The following CHST11 variants were observed in gnomAD, a reference collection of about 807,000 sequenced individuals.
CHST11 encodes C4S-1.
In CHST11, 9 loss-of-function variants were observed where a neutral mutation model predicts 30.4. That is an observed-to-expected ratio of 0.30 (90% CI 0.18 to 0.52). The LOEUF (loss-of-function observed/expected upper bound fraction) is 0.52, where lower values mean the gene tolerates loss of function less well. Ranked by LOEUF, CHST11 falls within the 20% of genes least tolerant of loss-of-function variation. The probability of loss-of-function intolerance (pLI) is 0.97; values close to 1 mark genes in which losing one functional copy is unlikely to be tolerated. For missense variants in CHST11, 348 were observed against 460.6 expected (o/e 0.76, Z 2.24); for synonymous variants, 152 against 187.8 (o/e 0.81, Z 1.56).
At chr12:104,592,193 C>T (rs752971798) in intron 1 of CHST11, among the ~76,000 whole-genome samples, 30 of 151,106 alleles carry the variant, frequency 2.0e-4, no homozygotes, top group Non-Finnish European at 4.0e-4. Context: ...TCCCGTCTCT[C>T]ATGCTCTCAG....
Position 104,721,645 on chromosome 12 carries a change from G to A in CHST11, c.205-35304G>A, listed in dbSNP as rs76238602. ...ACTACTGTCCTTCCTATTGTACAGC[G>A]TCCCTGGTATAAGGAGTTACGTGAA... On this transcript the variant is annotated intron_variant, in intron 2 of 2. Transcript: ENST00000303694. 9.3e-3 allele frequency among the ~76,000 whole-genome samples: 1,421 copies of A among 152,120 alleles called. 20 individuals carry two copies. Among genetic ancestry groups the A allele is most frequent in the African/African-American group, 0.033 (1,362 of 41,468 alleles).
At chr12:104,666,103 C>A (rs1013094791) in intron 2 of CHST11, among the ~76,000 whole-genome samples, 1 of 152,064 alleles carries the variant, frequency 6.6e-6, no homozygotes, top group Non-Finnish European at 1.5e-5. Context: ...CAGGTGTGAG[C>A]CACCGCACCC....
chr12:104,630,968 G>A (rs941566336), intron 2 of CHST11, among the ~76,000 whole-genome samples: 1 of 152,216 alleles, frequency 6.6e-6, no homozygotes, highest in African/African-American at 2.4e-5. Flanking sequence ...ATTAACACTA[G>A]TGAGACCCCT....
chr12:104,472,792 G>A (rs1291086558), intron 1 of CHST11, among the ~76,000 whole-genome samples: 1 of 151,724 alleles, frequency 6.6e-6, no homozygotes, highest in Admixed American at 6.6e-5. Context: ...GGTGGTGATG[G>A]TGGTGGTTGT....
intron 2 of CHST11, among the ~76,000 whole-genome samples, chr12:104,715,220 A>T (rs967043013): frequency 1.4e-4 from 21 of 152,136 alleles, no homozygotes; most frequent in Non-Finnish European, 2.8e-4. Flanking sequence ...CAAAAAAGAA[A>T]AAAATTAGCT....
At position 104,491,013 on chromosome 12, in the gene CHST11, G is replaced by A. The variant is rs1366283769; in HGVS notation, c.118+33484G>A. Among the ~76,000 whole-genome samples, 12 of 142,420 alleles carry A rather than the reference G, an allele frequency of 8.4e-5. 1 individual carries two copies. The highest frequency in any genetic ancestry group is 3.0e-4 in the African/African-American group (12 of 40,052). 93.4% of individuals were successfully genotyped at this position (142,420 alleles called of 152,430 possible). ...GGTGCTGTGCTGGGTGGCAGGGGAG[G>A]TCTCTGGCTTTTTTTTTTTTGATCT... On this transcript the variant is annotated intron_variant, in intron 1 of 2. Coordinates refer to ENST00000303694, the MANE Select transcript of CHST11 (RefSeq NM_018413.6).
intron 2 of CHST11, among the ~76,000 whole-genome samples, chr12:104,683,733 T>C (rs1274689965): frequency 6.6e-6 from 1 of 152,224 alleles, no homozygotes; most frequent in African/African-American, 2.4e-5. Flanking sequence ...TATCAATTGT[T>C]ACATCCCTTG....
intron 2 of CHST11, among the ~76,000 whole-genome samples, chr12:104,713,476 T>C (rs1424530313): frequency 6.6e-6 from 1 of 151,950 alleles, no homozygotes; most frequent in African/African-American, 2.4e-5. Flanking sequence ...GGAACCAGGG[T>C]GTGTATAGCC....
intron 1 of CHST11, among the ~76,000 whole-genome samples, chr12:104,571,910 G>C (rs1420028569): frequency 6.6e-6 from 1 of 152,198 alleles, no homozygotes; most frequent in Non-Finnish European, 1.5e-5. Context: ...TTTATTGAGA[G>C]TTTTTAGCAT....
At chr12:104,564,257 A>G (rs1288081533) in intron 1 of CHST11, among the ~76,000 whole-genome samples, 5 of 152,204 alleles carry the variant, frequency 3.3e-5, no homozygotes, top group Non-Finnish European at 7.3e-5. Flanking sequence ...ACAGAAGCCC[A>G]GACACACTCC....
At chr12:104,589,585 A>G (rs1158058808) in intron 1 of CHST11, among the ~76,000 whole-genome samples, 1 of 152,218 alleles carries the variant, frequency 6.6e-6, no homozygotes, top group Non-Finnish European at 1.5e-5. Context: ...AAAGTGGTCA[A>G]AATGGTAAAT....
At chr12:104,722,324 C>T (rs2040184483) in intron 2 of CHST11, among the ~76,000 whole-genome samples, 1 of 152,080 alleles carries the variant, frequency 6.6e-6, no homozygotes, top group South Asian at 2.1e-4. Context: ...TTTTTAACTT[C>T]ATCAGAGGTA....
intron 2 of CHST11, among the ~76,000 whole-genome samples, chr12:104,618,876 C>T (rs1376881827): frequency 1.3e-5 from 2 of 152,198 alleles, no homozygotes; most frequent in Non-Finnish European, 2.9e-5. Flanking sequence ...AGGCCACCTC[C>T]ACCAGCTCAA....
At chr12:104,609,430 C>T (rs1024370168) in intron 2 of CHST11, among the ~76,000 whole-genome samples, 4 of 152,214 alleles carry the variant, frequency 2.6e-5, no homozygotes, top group African/African-American at 7.2e-5. Flanking sequence ...CAAAAAACCA[C>T]GGACAGTGAA....
intron 1 of CHST11, among the ~76,000 whole-genome samples, chr12:104,501,377 G>A (rs2037852735): frequency 6.6e-6 from 1 of 152,186 alleles, no homozygotes; most frequent in African/African-American, 2.4e-5. Flanking sequence ...CCCAGTCCCT[G>A]AAAGCAAACA....
At chr12:104,611,091 A>G (rs1183265513) in intron 2 of CHST11, among the ~76,000 whole-genome samples, 1 of 152,204 alleles carries the variant, frequency 6.6e-6, no homozygotes, top group Non-Finnish European at 1.5e-5. Context: ...GCAATATAAT[A>G]TAAGTCACAT....
At chr12:104,527,789 T>G (rs1361882929) in intron 1 of CHST11, among the ~76,000 whole-genome samples, 2 of 152,220 alleles carry the variant, frequency 1.3e-5, no homozygotes, top group Non-Finnish European at 2.9e-5. Context: ...AAAAGAGGTT[T>G]AATTGATTCA....
chr12:104,623,349 T>G (rs1371595810), intron 2 of CHST11, among the ~76,000 whole-genome samples: 1 of 152,206 alleles, frequency 6.6e-6, no homozygotes, highest in Non-Finnish European at 1.5e-5. Flanking sequence ...TAAAGTACCG[T>G]GCCTGATTTG....
At chr12:104,704,268 T>C (rs142880440) in intron 2 of CHST11, among the ~76,000 whole-genome samples, 4 of 152,310 alleles carry the variant, frequency 2.6e-5, no homozygotes, top group Middle Eastern at 3.4e-3. Context: ...ACCCTTGCCT[T>C]CTGGCTCCGT....
Sources: allele counts gnomAD v4.1 joint callset (sites outside exome capture counted in the v4.1 genomes callset), GRCh38; gene constraint gnomAD v4.1.1; transcripts MANE v1.5; gene names NCBI Gene and HGNC (gene_info 2026-07-23, HGNC 2026-07-21).